Variants in EXOC6B observed in about 807,000 individuals in gnomAD.
EXOC6B encodes the protein exocyst complex component 6B.
EXOC6B carries 54 observed loss-of-function variants against 113.5 expected under a neutral mutation model. The ratio of observed to expected loss-of-function variants is 0.48; its 90% confidence interval spans 0.38 to 0.60. The LOEUF (loss-of-function observed/expected upper bound fraction) is 0.60, where lower values mean the gene tolerates loss of function less well. EXOC6B is among the 20% of genes least tolerant of loss of function. The probability of loss-of-function intolerance (pLI) is 0.00; values close to 1 mark genes in which losing one functional copy is unlikely to be tolerated. For missense variants in EXOC6B, 797 were observed against 977.5 expected, an observed-to-expected ratio of 0.82 and a Z score of 2.46; for synonymous variants, 357 against 339.0, an observed-to-expected ratio of 1.05 and a Z score of -0.58.
chr2:72,475,568 G>A (rs1042391957), intron 17 of EXOC6B, among the ~76,000 whole-genome samples: 3 of 152,058 alleles, frequency 2.0e-5, no homozygotes, highest in African/African-American at 7.2e-5. Context: ...CACAGGGGTT[G>A]GGGGGTGGCA....
chr2:72,681,075 T>A (rs1676667250), intron 6 of EXOC6B, among the ~76,000 whole-genome samples: 1 of 152,202 alleles, frequency 6.6e-6, no homozygotes. Flanking sequence ...AAACCTTCAA[T>A]GTTAGCTTTA....
chr2:72,388,976 T>C (rs1008067750), intron 18 of EXOC6B, among the ~76,000 whole-genome samples: 2 of 152,138 alleles, frequency 1.3e-5, no homozygotes, highest in Admixed American at 1.3e-4. Flanking sequence ...AAGCCAAATA[T>C]AGTTGAGTCA....
At chr2:72,405,371 G>T (rs1693663923) in intron 18 of EXOC6B, among the ~76,000 whole-genome samples, 1 of 152,152 alleles carries the variant, frequency 6.6e-6, no homozygotes, top group Admixed American at 6.5e-5. Context: ...GATACTCCTG[G>T]AGAGGAGCAA....
chr2:72,195,876 T>G (rs1679136763), intron 20 of EXOC6B, among the ~76,000 whole-genome samples: 1 of 152,192 alleles, frequency 6.6e-6, no homozygotes, highest in Non-Finnish European at 1.5e-5. Context: ...AAAATGAAAT[T>G]TACTTAACCT....
intron 11 of EXOC6B, among the ~76,000 whole-genome samples, chr2:72,502,032 A>G (rs1034873672): frequency 1.3e-5 from 2 of 151,996 alleles, no homozygotes; most frequent in African/African-American, 2.4e-5. Flanking sequence ...CAAAGTACTG[A>G]AATTACAGGC....
intron 20 of EXOC6B, among the ~76,000 whole-genome samples, chr2:72,292,737 C>G (rs978103854): frequency 6.6e-6 from 1 of 152,192 alleles, no homozygotes; most frequent in Non-Finnish European, 1.5e-5. Flanking sequence ...TGTTCTCCAT[C>G]ATTACAGTTT....
chr2:72,607,760 G>A (rs372911270), intron 6 of EXOC6B, among the ~76,000 whole-genome samples: 1 of 152,040 alleles, frequency 6.6e-6, no homozygotes, highest in Non-Finnish European at 1.5e-5. Flanking sequence ...CTAATATTCT[G>A]TAAAACATAT....
chr2:72,431,121 T>C (rs11895324), intron 18 of EXOC6B, among the ~76,000 whole-genome samples: 1 of 152,178 alleles, frequency 6.6e-6, no homozygotes, highest in African/African-American at 2.4e-5. Flanking sequence ...TTTAATTTCA[T>C]AGAGCACTAA....
At chr2:72,487,361 T>C (rs921763567) in intron 16 of EXOC6B, among the ~76,000 whole-genome samples, 2 of 152,078 alleles carry the variant, frequency 1.3e-5, no homozygotes, top group African/African-American at 2.4e-5. Context: ...TGTTTTGTTT[T>C]GTTTTTGTTT....
chr2:72,196,461 C>T (rs763881087), intron 20 of EXOC6B, among the ~76,000 whole-genome samples: 1 of 151,972 alleles, frequency 6.6e-6, no homozygotes, highest in Non-Finnish European at 1.5e-5. Context: ...GATCTTTAGC[C>T]CAACTAGATA....
chr2:72,338,162 T>A (rs957173509), intron 19 of EXOC6B, among the ~76,000 whole-genome samples: 1 of 152,182 alleles, frequency 6.6e-6, no homozygotes, highest in Non-Finnish European at 1.5e-5. Flanking sequence ...TTAACCTCTT[T>A]ACACTTCAAT....
chr2:72,619,343 A>G (rs1293360193), intron 6 of EXOC6B, among the ~76,000 whole-genome samples: 1 of 152,204 alleles, frequency 6.6e-6, no homozygotes, highest in South Asian at 2.1e-4. Context: ...CAAAAGCATT[A>G]TACCTAATTA....
At chr2:72,821,781 T>C (rs746839492) in intron 1 of EXOC6B, among the ~76,000 whole-genome samples, 3 of 152,114 alleles carry the variant, frequency 2.0e-5, no homozygotes, top group Non-Finnish European at 4.4e-5. Flanking sequence ...AAGTAGTGAT[T>C]GCCTAGGGAG....
At chr2:72,575,814 T>C (rs1404505713) in intron 6 of EXOC6B, 146 bp from the exon 7 acceptor site, 6 of 672,176 alleles carry the variant, frequency 8.9e-6, no homozygotes, top group Non-Finnish European at 4.6e-6. Context: ...ACGAAAATAC[T>C]ACAACAAAAG....
chr2:72,612,275 A>C (rs1671121592), intron 6 of EXOC6B, among the ~76,000 whole-genome samples: 1 of 135,288 alleles, frequency 7.4e-6, no homozygotes. Flanking sequence ...ACTCTGTCTC[A>C]AAAAAAAAAA....
intron 1 of EXOC6B, among the ~76,000 whole-genome samples, chr2:72,768,228 A>G (rs1683211200): frequency 6.6e-6 from 1 of 151,578 alleles, no homozygotes; most frequent in South Asian, 2.1e-4. Flanking sequence ...TGAAACAATG[A>G]TATTTTCACA....
intron 19 of EXOC6B, among the ~76,000 whole-genome samples, chr2:72,378,999 G>A (rs982219115): frequency 1.3e-5 from 2 of 152,134 alleles, no homozygotes; most frequent in Non-Finnish European, 2.9e-5. Flanking sequence ...TTTATTCAAT[G>A]AGACATACAG....
chr2:72,318,145 T>C (rs1158230016), intron 20 of EXOC6B, among the ~76,000 whole-genome samples: 2 of 152,174 alleles, frequency 1.3e-5, no homozygotes, highest in African/African-American at 4.8e-5. Context: ...CAGATGACCA[T>C]AGTTTTCAGA....
At chr2:72,359,744 T>G (rs1690188781) in intron 19 of EXOC6B, among the ~76,000 whole-genome samples, 1 of 152,182 alleles carries the variant, frequency 6.6e-6, no homozygotes, top group African/African-American at 2.4e-5. Context: ...TTTGTTTATT[T>G]GTCCCCTCCA....
Sources: gnomAD v4.1 joint callset for allele counts (sites outside exome capture counted in the v4.1 genomes callset) on GRCh38, gnomAD v4.1.1 for gene constraint, MANE v1.5 for transcripts, NCBI Gene and HGNC (gene_info 2026-07-23, HGNC 2026-07-21) for gene names.